The following SCARA3 variants were observed in gnomAD, a reference collection of about 807,000 sequenced individuals.
SCARA3 encodes cellular stress response gene protein.
Under a neutral mutation model 47.0 loss-of-function variants are expected in SCARA3, and 39 were observed. That is an observed-to-expected ratio of 0.83 (90% CI 0.64 to 1.08). The LOEUF is 1.08. SCARA3 is among the 50% of genes least tolerant of loss of function. SCARA3 has a pLI of 0.00. For synonymous variants in SCARA3, 356 were observed against 334.1 expected (o/e 1.07, Z -0.71); for missense variants, 724 against 792.3 (o/e 0.91, Z 1.04).
At chr8:27,707,806 G>T in the SCARA3 span, among the ~76,000 whole-genome samples, 1 of 109,514 alleles carries the variant, frequency 9.1e-6, no homozygotes, top group Non-Finnish European at 1.9e-5. Context: ...ATAAAGAAAA[G>T]AACTGAAAAA....
At chr8:27,683,018 A>C in the SCARA3 span, among the ~76,000 whole-genome samples, 2 of 152,188 alleles carry the variant, frequency 1.3e-5, no homozygotes, top group Non-Finnish European at 2.9e-5. Context: ...AAACTAAAAA[A>C]ACAAAAAACA....
the SCARA3 span, among the ~76,000 whole-genome samples, chr8:27,696,818 T>C: frequency 6.6e-6 from 1 of 152,130 alleles, no homozygotes; most frequent in Non-Finnish European, 1.5e-5. Flanking sequence ...ATTCTATTTA[T>C]ATGAATTGTC....
At chr8:27,731,634 T>G in the SCARA3 span, among the ~76,000 whole-genome samples, 8 of 97,906 alleles carry the variant, frequency 8.2e-5, no homozygotes, top group African/African-American at 3.3e-4. Flanking sequence ...AGAGCGAGAC[T>G]CTGTCTCAAA....
At chr8:27,681,222 T>C (rs1387490876), downstream of SCARA3, among the ~76,000 whole-genome samples, 2 of 152,072 alleles carry the variant, frequency 1.3e-5, no homozygotes, top group Non-Finnish European at 2.9e-5. Context: ...TACAAATAAA[T>C]AAATTCCTAA....
chr8:27,651,966 G>A (rs1487977567), intron 3 of SCARA3, among the ~76,000 whole-genome samples: 2 of 152,166 alleles, frequency 1.3e-5, no homozygotes, highest in African/African-American at 4.8e-5. Context: ...CACCCCGATC[G>A]TGGAATTAAT....
chr8:27,649,695 A>G lies in SCARA3; in HGVS notation c.8-7A>G, dbSNP rs766751920. 3 of 1,613,798 alleles carry G rather than the reference A, an allele frequency of 1.9e-6. No individual in the cohort carries two copies. Among genetic ancestry groups the G allele is most frequent in the African/African-American group, 1.3e-5 (1 of 74,922 alleles). On this transcript the variant is annotated splice_region_variant and splice_polypyrimidine_tract_variant and intron_variant, in intron 1 of 5. Transcript: ENST00000301904. ...CTTTGGGTCTGACGGCACTGGCTTCATTATAGTGAGGTCGGCCGGCGGCGA... is the reference window on the plus strand; with the variant it reads ...CTTTGGGTCTGACGGCACTGGCTTCGTTATAGTGAGGTCGGCCGGCGGCGA...
chr8:27,704,889 C>T, the SCARA3 span, among the ~76,000 whole-genome samples: 1 of 152,264 alleles, frequency 6.6e-6, no homozygotes, highest in South Asian at 2.1e-4. Context: ...GGAGTCTTTG[C>T]TGCCAGCGCC....
chr8:27,731,347 G>T, the SCARA3 span, among the ~76,000 whole-genome samples: 2 of 151,714 alleles, frequency 1.3e-5, no homozygotes, highest in East Asian at 1.9e-4. Flanking sequence ...TAATCCTCCC[G>T]CCTCGGCCTC....
At chr8:27,660,548 T>TAGAC (rs1215944770) in intron 5 of SCARA3, among the ~76,000 whole-genome samples, 1 of 150,890 alleles carries the variant, frequency 6.6e-6, no homozygotes, top group Admixed American at 6.6e-5. Context: ...GATAGATAGA[T>TAGAC]AGATAGATAG....
chr8:27,719,144 A>G, the SCARA3 span, among the ~76,000 whole-genome samples: 2 of 152,326 alleles, frequency 1.3e-5, no homozygotes, highest in South Asian at 4.1e-4. Context: ...AGAAGGTGGC[A>G]GAATGAAGAT....
downstream of SCARA3, chr8:27,676,595 A>G (rs1585303517): frequency 2.6e-6 from 4 of 1,566,498 alleles, no homozygotes; most frequent in Non-Finnish European, 3.5e-6. Flanking sequence ...ACATAATCGG[A>G]TATGATATGA....
chr8:27,645,689 C>G (rs1208814662), intron 1 of SCARA3, among the ~76,000 whole-genome samples: 1 of 152,242 alleles, frequency 6.6e-6, no homozygotes, highest in Non-Finnish European at 1.5e-5. Context: ...CTTTGGAGAG[C>G]TGGTGCACCT....
intron 4 of SCARA3, 121 bp from the exon 5 acceptor site, chr8:27,658,375 G>C (rs1002702402): frequency 4.6e-6 from 4 of 860,248 alleles, no homozygotes; most frequent in East Asian, 2.6e-5. Context: ...AGGACTTCTG[G>C]AAGGAAGTTG....
chr8:27,716,670 T>A, the SCARA3 span, among the ~76,000 whole-genome samples: 1 of 152,210 alleles, frequency 6.6e-6, no homozygotes, highest in African/African-American at 2.4e-5. Context: ...CACTTTACAG[T>A]CATCGTAGTA....
rs1228725629 is a variant in SCARA3, at chr8:27,647,526, T to TTCTCTGTGCCGGC, written c.8-2162_8-2150dup. Among the ~76,000 whole-genome samples the TTCTCTGTGCCGGC allele has an allele frequency of 5.3e-5, 8 of 152,164 alleles. No homozygotes were observed. The East Asian group carries it at 1.5e-3, about 29-fold the overall frequency. ...ATTTGAAATTGTGTTTGTTGAGCCT[T>TTCTCTGTGCCGGC]TCTCTGTGCCGGCTCTCTGTGCCGG... On this transcript the variant is annotated intron_variant, in intron 1 of 5. Transcript: ENST00000301904.
At chr8:27,697,787 A>G in the SCARA3 span, among the ~76,000 whole-genome samples, 1 of 151,622 alleles carries the variant, frequency 6.6e-6, no homozygotes, top group Non-Finnish European at 1.5e-5. Flanking sequence ...CTTGGTTCTC[A>G]CTCTCTCTTT....
the SCARA3 span, among the ~76,000 whole-genome samples, chr8:27,719,624 A>G: frequency 1.3e-5 from 2 of 152,254 alleles, no homozygotes; most frequent in East Asian, 3.9e-4. Flanking sequence ...CGGAGTTCTC[A>G]TCCATTCAAT....
chr8:27,644,876 C>A (rs1485604931), intron 1 of SCARA3, among the ~76,000 whole-genome samples: 2 of 152,142 alleles, frequency 1.3e-5, no homozygotes, highest in East Asian at 3.9e-4. Context: ...AGACATATTA[C>A]ATACAGGTGG....
At chr8:27,693,907 C>T in the SCARA3 span, among the ~76,000 whole-genome samples, 1 of 152,162 alleles carries the variant, frequency 6.6e-6, no homozygotes, top group African/African-American at 2.4e-5. Context: ...TCTACCCTTC[C>T]AGATAGAACC....
Sources: allele counts gnomAD v4.1 joint callset (sites outside exome capture counted in the v4.1 genomes callset), GRCh38; gene constraint gnomAD v4.1.1; transcripts MANE v1.5; gene names NCBI Gene and HGNC (gene_info 2026-07-23, HGNC 2026-07-21).